Variants in NUP214 observed in about 807,000 individuals in gnomAD.
NUP214 encodes the protein nuclear pore complex protein Nup214.
Under a neutral mutation model 196.2 loss-of-function variants are expected in NUP214, and 79 were observed. The ratio of observed to expected loss-of-function variants is 0.40; its 90% CI spans 0.34 to 0.49. NUP214 has a LOEUF of 0.49. Ranked by LOEUF, NUP214 falls within the 20% of genes least tolerant of loss-of-function variation. NUP214 has a pLI of 0.58. For synonymous variants in NUP214, 1,020 were observed against 990.5 expected (o/e 1.03, Z -0.56); for missense variants, 2,468 against 2,539.0 (o/e 0.97, Z 0.60).
chr9:131,144,153 T>G, intron 11 of NUP214, 127 bp from the exon 12 acceptor site: 1 of 760,738 alleles, frequency 1.3e-6, no homozygotes, highest in Non-Finnish European at 2.2e-6. Flanking sequence ...CATGTGTTCT[T>G]TTTGCTTCTT....
At chr9:131,174,869 A>G (rs1833071321) in intron 22 of NUP214, among the ~76,000 whole-genome samples, 1 of 152,228 alleles carries the variant, frequency 6.6e-6, no homozygotes, top group Non-Finnish European at 1.5e-5. Flanking sequence ...CTCCAAGTTT[A>G]TGCGCTATAA....
chr9:131,146,485 T>C lies in NUP214; in HGVS notation c.1945+181T>C, dbSNP rs766660590. On this transcript the variant is annotated intron_variant, in intron 13 of 35. Coordinates refer to ENST00000359428, the MANE Select transcript of NUP214 (RefSeq NM_005085.4). This position sits in a 1 kb window ranked among gnomAD's most constrained non-coding sequence, Gnocchi z 4.6. The stretch of plus-strand genomic sequence containing the variant: ...TCTGAATTGGGAGATTTGCTCTTGC[T>C]TAAATGCTGCCACTCTTCTCTCTGA... Among the ~76,000 whole-genome samples, 6 of 152,244 alleles carry C rather than the reference T, an allele frequency of 3.9e-5. No homozygotes were observed. Among genetic ancestry groups the C allele is most frequent in the Non-Finnish European group, 7.3e-5 (5 of 68,038 alleles).
chr9:131,224,414 G>T (rs1404917021), intron 32 of NUP214, among the ~76,000 whole-genome samples: 1 of 152,142 alleles, frequency 6.6e-6, no homozygotes, highest in Non-Finnish European at 1.5e-5. Context: ...GTGGTCCAGG[G>T]TGGGCTGTTT....
intron 30 of NUP214, among the ~76,000 whole-genome samples, chr9:131,205,667 TC>T (rs1320647154): frequency 6.6e-6 from 1 of 152,196 alleles, no homozygotes; most frequent in East Asian, 1.9e-4. Flanking sequence ...AATGTACTGC[TC>T]CTATAGCTGG....
Position 131,230,616 on chromosome 9 carries a change from T to C in NUP214, c.6075-14T>C, listed in dbSNP as rs1470375545. 5 of 1,613,638 alleles carry C rather than the reference T, an allele frequency of 3.1e-6. No individual in the cohort carries two copies. The African/African-American group carries it at 6.7e-5, about 22-fold the overall frequency. On this transcript the variant is annotated splice_polypyrimidine_tract_variant and intron_variant, in intron 33 of 35. Transcript: ENST00000359428. ...GGCCCCACTGACCTCAGTCTGTTTC[T>C]CACTGGAGCGCAGGTTTGGGAGCAG... is the stretch of plus-strand genomic sequence containing the variant.
Position 131,234,344 on chromosome 9 carries a change from C to T in NUP214, c.*857C>T, listed in dbSNP as rs1171175882. On this transcript the variant is annotated 3_prime_UTR_variant, in exon 36 of 36. Coordinates refer to ENST00000359428, the MANE Select transcript of NUP214 (RefSeq NM_005085.4). The stretch of plus-strand genomic sequence containing the variant: ...CAGACACTGCTGTTGCCAGACAACA[C>T]TAGCAGAACGATGCTGGATTTGACA... The T allele has an allele frequency of 3.4e-5, 8 of 232,948 alleles. No homozygotes were observed. Among genetic ancestry groups the T allele is most frequent in the Non-Finnish European group, 5.1e-5 (6 of 117,924 alleles). 14.4% of individuals were successfully genotyped at this position (232,948 alleles called of 1,614,324 possible). A position where few individuals can be genotyped will look rare whatever the true frequency, so the allele number is the denominator to read the frequency against.
intron 17 of NUP214, among the ~76,000 whole-genome samples, chr9:131,156,827 CTT>C (rs1488893099): frequency 1.3e-5 from 2 of 152,222 alleles, no homozygotes; most frequent in African/African-American, 4.8e-5. Context: ...TATTTTTTCT[CTT>C]GTCTGTGCCA....
intron 11 of NUP214, among the ~76,000 whole-genome samples, chr9:131,141,310 A>G (rs745796976): frequency 1.3e-5 from 2 of 152,016 alleles, no homozygotes; most frequent in Non-Finnish European, 2.9e-5. Context: ...TTTTTGAAAC[A>G]TTTCTTAAGT....
At chr9:131,217,996 C>T (rs1011078188) in intron 31 of NUP214, among the ~76,000 whole-genome samples, 2 of 152,170 alleles carry the variant, frequency 1.3e-5, no homozygotes, top group Non-Finnish European at 2.9e-5. Flanking sequence ...ACCCTACAAA[C>T]CAGGACTCCC....
chr9:131,132,139 G>GACC (rs1831570780), intron 5 of NUP214, among the ~76,000 whole-genome samples: 2 of 70,682 alleles, frequency 2.8e-5, no homozygotes, highest in Non-Finnish European at 5.7e-5. Flanking sequence ...TTTTTTTGGA[G>GACC]ACCAAGTTTT....
chr9:131,192,420 CAT>C, intron 27 of NUP214, 128 bp downstream of exon 27: 2 of 527,048 alleles, frequency 3.8e-6, no homozygotes. Context: ...GGCAGTAATA[CAT>C]GTGATGATAG....
chr9:131,150,237 G>A, intron 14 of NUP214, 87 bp from the exon 15 acceptor site: 1 of 1,063,656 alleles, frequency 9.4e-7, no homozygotes, highest in Non-Finnish European at 1.4e-6. Context: ...CTGTGTTACA[G>A]GAGCGCCACT....
chr9:131,172,181 G>A (rs564232869), intron 21 of NUP214, among the ~76,000 whole-genome samples: 1 of 151,192 alleles, frequency 6.6e-6, no homozygotes, highest in African/African-American at 2.4e-5. Context: ...CAGTGTAAAA[G>A]TGTTCCTATT....
At chr9:131,141,704 C>A (rs1477544553) in intron 11 of NUP214, 2 of 152,074 alleles carry the variant, frequency 1.3e-5, no homozygotes, top group Non-Finnish European at 2.9e-5. Flanking sequence ...GTCTCAAACA[C>A]CTGGGCTCAT....
intron 32 of NUP214, among the ~76,000 whole-genome samples, chr9:131,225,854 TC>T (rs1834705297): frequency 6.6e-6 from 1 of 152,176 alleles, no homozygotes; most frequent in Non-Finnish European, 1.5e-5. Context: ...TATCCTCCCT[TC>T]AGTAAAATTG....
In NUP214 at chr9:131,198,745, A is replaced by G. The variant is rs200498016; in HGVS notation, c.5251A>G (p.Ser1751Gly). 5.6e-5 allele frequency: 91 copies of G among 1,614,226 alleles called. No individual in the cohort carries two copies. In the East Asian group the frequency reaches 7.6e-4, roughly 13 times the overall value. The change falls in exon 29 of 36, where the codon AGT becomes GGT. Residue 1751 changes from serine (S) to glycine (G), a missense_variant. Ser to Gly is a moderately conservative substitution (Grantham distance 56). This residue lies in a region of NUP214 where 1,801 missense variants were observed against 1,779.4 expected (regional missense o/e 1.01). Transcript: ENST00000359428. The part of the protein sequence containing the change: ...SVFSFSQPGF[S>G]SVPAFGQPAS... ...CTTTTCCTTCAGTCAGCCTGGGTTCAGTTCCGTGCCTGCCTTCGGTCAGCC... is the reference window on the plus strand; with the variant it reads ...CTTTTCCTTCAGTCAGCCTGGGTTCGGTTCCGTGCCTGCCTTCGGTCAGCC...
intron 21 of NUP214, among the ~76,000 whole-genome samples, chr9:131,170,269 G>A (rs1291836614): frequency 3.9e-5 from 6 of 152,218 alleles, no homozygotes; most frequent in African/African-American, 9.6e-5. Context: ...AGATCATGCC[G>A]TTGCACTCCA....
In NUP214 at chr9:131,128,444, CATT is replaced by C. The variant is rs757633704; in HGVS notation, c.358_360del (p.Ile120del). 2 of 1,613,126 alleles carry C rather than the reference CATT, an allele frequency of 1.2e-6. No individual in the cohort carries two copies. The highest frequency in any genetic ancestry group is 2.7e-5 in the African/African-American group (2 of 74,920). On this transcript the variant is annotated inframe_deletion, in exon 3 of 36. Coordinates refer to ENST00000359428, the MANE Select transcript of NUP214 (RefSeq NM_005085.4). ...GCATGATGTCCAGTGAATATGGTTC[CATT>C]ATTGCTTTTTTTGATGTTCGCACAT...
intron 14 of NUP214, among the ~76,000 whole-genome samples, chr9:131,148,781 A>AAT (rs1832159834): frequency 6.6e-6 from 1 of 152,056 alleles, no homozygotes; most frequent in Non-Finnish European, 1.5e-5. Flanking sequence ...GAGTTCCTTG[A>AAT]ATACACACAC....
Sources: gnomAD v4.1 joint callset for allele counts (sites outside exome capture counted in the v4.1 genomes callset) on GRCh38, gnomAD v4.1.1 for gene constraint, gnomAD v4.1.1 regional missense constraint, Gnocchi (gnomAD v3.1) non-coding constraint, MANE v1.5 for transcripts, NCBI Gene and HGNC (gene_info 2026-07-23, HGNC 2026-07-21) for gene names.